Variants in PRKAG2 observed in about 807,000 individuals in gnomAD.
The protein encoded by PRKAG2 is protein kinase AMP-activated non-catalytic subunit gamma 2, also known as 5'-AMP-activated protein kinase subunit gamma-2.
In PRKAG2, 26 loss-of-function variants were observed where a neutral mutation model predicts 69.6. The ratio of observed to expected loss-of-function variants is 0.37; its 90% CI spans 0.27 to 0.52. The LOEUF is 0.52. Among genes scored for constraint, PRKAG2 ranks in the 20% least tolerant of loss-of-function variants. The probability of loss-of-function intolerance (pLI) is 0.90; values close to 1 mark genes in which losing one functional copy is unlikely to be tolerated. For missense variants in PRKAG2, 557 were observed against 740.0 expected (o/e 0.75, Z 2.87); for synonymous variants, 293 against 285.0 (o/e 1.03, Z -0.28).
chr7:151,686,635 C>T (rs1834783648), intron 3 of PRKAG2, among the ~76,000 whole-genome samples: 1 of 152,194 alleles, frequency 6.6e-6, no homozygotes, highest in East Asian at 1.9e-4. Flanking sequence ...ACAAGTTTCA[C>T]ACCCGCCTGG....
intron 1 of PRKAG2, among the ~76,000 whole-genome samples, chr7:151,825,222 A>T (rs2078880801): frequency 6.6e-6 from 1 of 152,216 alleles, no homozygotes; most frequent in African/African-American, 2.4e-5. Flanking sequence ...TCCAAAAAAA[A>T]CAGAAGGTCA....
At chr7:151,559,001 C>T in intron 15 of PRKAG2, 4 of 985,434 alleles carry the variant, frequency 4.1e-6, no homozygotes, top group Non-Finnish European at 4.8e-6. Flanking sequence ...CAGACTGTGT[C>T]CCGTGGTCCA....
At chr7:151,801,170 G>C (rs2151838660) in intron 1 of PRKAG2, among the ~76,000 whole-genome samples, 1 of 152,308 alleles carries the variant, frequency 6.6e-6, no homozygotes, top group Non-Finnish European at 1.5e-5. Flanking sequence ...GGGAACTGGA[G>C]AGGTCAATTC....
intron 1 of PRKAG2, among the ~76,000 whole-genome samples, chr7:151,868,223 G>A (rs1313946637): frequency 6.6e-6 from 1 of 152,228 alleles, no homozygotes; most frequent in African/African-American, 2.4e-5. Flanking sequence ...TTTCAAAGTA[G>A]GTAGTGGAAG....
chr7:151,694,407 T>C (rs187033861), intron 3 of PRKAG2, among the ~76,000 whole-genome samples: 7 of 152,280 alleles, frequency 4.6e-5, no homozygotes, highest in Admixed American at 3.9e-4. Context: ...CCAGAACCAT[T>C]TCATAGTACA....
rs774706269 is a variant in PRKAG2, at chr7:151,876,819, C to A, written c.-199G>T. 2.3e-5 allele frequency: 15 copies of A among 639,642 alleles called. No homozygotes were observed. Among genetic ancestry groups the A allele is most frequent in the Non-Finnish European group, 3.9e-5 (14 of 358,042 alleles). The allele number at this position is 639,642 out of a possible 1,614,324, so 39.6% of individuals were successfully genotyped here. ...CCGCCGAAGCGCCGAATTCAAGCGT[C>A]CTTTCCTACGGAACCCTCGTAGGCA... On this transcript the variant is annotated 5_prime_UTR_variant, in exon 1 of 16. Coordinates refer to ENST00000287878, the MANE Select transcript of PRKAG2 (RefSeq NM_016203.4).
At chr7:151,816,903 G>A (rs967948732) in intron 1 of PRKAG2, among the ~76,000 whole-genome samples, 4 of 152,170 alleles carry the variant, frequency 2.6e-5, no homozygotes, top group Non-Finnish European at 5.9e-5. Context: ...AATGGGCTCC[G>A]TCGTCTAAAG....
At chr7:151,706,959 C>T (rs1838736050) in intron 3 of PRKAG2, among the ~76,000 whole-genome samples, 1 of 152,182 alleles carries the variant, frequency 6.6e-6, no homozygotes, top group South Asian at 2.1e-4. Context: ...TGGCCCAACC[C>T]AACGTCAGCC....
chr7:151,611,527 G>A (rs1435865675), intron 5 of PRKAG2, among the ~76,000 whole-genome samples: 1 of 152,144 alleles, frequency 6.6e-6, no homozygotes, highest in Non-Finnish European at 1.5e-5. Flanking sequence ...TCAATTAAGT[G>A]GTAAAGAGAT....
At chr7:151,800,000 C>T (rs1447586214) in intron 1 of PRKAG2, among the ~76,000 whole-genome samples, 1 of 152,122 alleles carries the variant, frequency 6.6e-6, no homozygotes, top group Non-Finnish European at 1.5e-5. Flanking sequence ...TAAATTGAAC[C>T]TCTACCCCCT....
chr7:151,658,189 ATAAATAAG>A lies in PRKAG2; in HGVS notation c.684+17223_684+17230del, dbSNP rs1426982535. Among the ~76,000 whole-genome samples the A allele has an allele frequency of 5.8e-4, 84 of 143,942 alleles. 1 individual carries two copies. The highest frequency in any genetic ancestry group is 8.4e-4 in the East Asian group (4 of 4,760). 94.4% of individuals were successfully genotyped at this position (143,942 alleles called of 152,430 possible). A position where few individuals can be genotyped will look rare whatever the true frequency, so the allele number is the denominator to read the frequency against. ...AATAAATAAATAAATAAATAAATAA[ATAAATAAG>A]AATAATAGGGCTGGGTGCAGTGGCT... On this transcript the variant is annotated intron_variant, in intron 4 of 15. Coordinates refer to ENST00000287878, the MANE Select transcript of PRKAG2 (RefSeq NM_016203.4).
At chr7:151,767,538 G>A (rs1032149729) in intron 3 of PRKAG2, among the ~76,000 whole-genome samples, 8 of 152,216 alleles carry the variant, frequency 5.3e-5, no homozygotes, top group African/African-American at 1.9e-4. Flanking sequence ...TGATTGGCCC[G>A]ACTTGGCCTT....
intron 3 of PRKAG2, among the ~76,000 whole-genome samples, chr7:151,757,555 C>T (rs115708941): frequency 0.011 from 1,705 of 152,306 alleles, 29 homozygotes; most frequent in African/African-American, 0.038. Flanking sequence ...ATACACATGA[C>T]CTCGGTCATA....
chr7:151,797,871 G>A (rs1248297149), intron 1 of PRKAG2, among the ~76,000 whole-genome samples: 1 of 152,226 alleles, frequency 6.6e-6, no homozygotes, highest in Non-Finnish European at 1.5e-5. Flanking sequence ...CAACTTGTCA[G>A]TGGATTATGA....
intron 1 of PRKAG2, among the ~76,000 whole-genome samples, chr7:151,803,937 C>CAAAAAAAA (rs71198732): frequency 9.3e-6 from 1 of 107,064 alleles, no homozygotes. Context: ...GACTATGTCT[C>CAAAAAAAA]AAAAAAAAAA....
At chr7:151,790,515 C>T (rs1251661851) in intron 1 of PRKAG2, 1 of 152,222 alleles carries the variant, frequency 6.6e-6, no homozygotes, top group Non-Finnish European at 1.5e-5. Context: ...TATTCTTGGC[C>T]TCATACTGTA....
intron 3 of PRKAG2, among the ~76,000 whole-genome samples, chr7:151,716,708 C>T (rs961934853): frequency 8.5e-5 from 13 of 152,164 alleles, no homozygotes; most frequent in African/African-American, 2.4e-4. Context: ...CTGCAAAGAA[C>T]GGGGACCAGT....
intron 1 of PRKAG2, among the ~76,000 whole-genome samples, chr7:151,844,120 T>G (rs996883108): frequency 3.9e-5 from 6 of 152,114 alleles, no homozygotes; most frequent in Admixed American, 2.0e-4. Context: ...TTCCCAGGGG[T>G]TGGGGAAGCC....
At chr7:151,562,380 G>C (rs1805249986) in intron 14 of PRKAG2, among the ~76,000 whole-genome samples, 1 of 151,720 alleles carries the variant, frequency 6.6e-6, no homozygotes, top group South Asian at 2.1e-4. Context: ...ATAGGAAGGA[G>C]ATAGGAAGAG....
Sources: gnomAD v4.1 joint callset for allele counts (sites outside exome capture counted in the v4.1 genomes callset) on GRCh38, gnomAD v4.1.1 for gene constraint, MANE v1.5 for transcripts, NCBI Gene and HGNC (gene_info 2026-07-23, HGNC 2026-07-21) for gene names.